The following ACTR6 variants were observed in gnomAD, a reference collection of about 807,000 sequenced individuals.
The protein encoded by ACTR6 is actin-related protein 6.
A neutral mutation model predicts 52.5 loss-of-function variants in ACTR6; 50 were observed. That is an observed-to-expected ratio of 0.95 (90% CI 0.76 to 1.20). The LOEUF is 1.20. ACTR6 is among the 50% of genes most tolerant of loss of function. The pLI, the probability that ACTR6 is intolerant of heterozygous loss-of-function variation, is 0.00. For missense variants in ACTR6, 344 were observed against 472.4 expected (o/e 0.73, Z 2.52); for synonymous variants, 135 against 147.2 (o/e 0.92, Z 0.60).
intron 9 of ACTR6, among the ~76,000 whole-genome samples, chr12:100,219,791 A>G (rs1382628142): frequency 6.6e-6 from 1 of 152,102 alleles, no homozygotes; most frequent in Non-Finnish European, 1.5e-5. Context: ...TCTTTTAAAG[A>G]TCTATGTGGT....
chr12:100,213,250 G>T (rs537551767), intron 8 of ACTR6, among the ~76,000 whole-genome samples: 1 of 152,056 alleles, frequency 6.6e-6, no homozygotes, highest in African/African-American at 2.4e-5. Flanking sequence ...GTGCCACCAC[G>T]CCTGGTTCAT....
intron 1 of ACTR6, chr12:100,203,597 C>T (rs1344600342): frequency 1.3e-5 from 2 of 151,606 alleles, no homozygotes; most frequent in Non-Finnish European, 2.9e-5. Context: ...AGCCACTGCT[C>T]CCGGCTGGAA....
intron 9 of ACTR6, 109 bp from the exon 10 acceptor site, chr12:100,219,893 AGTAACT>A (rs2153901078): frequency 9.8e-7 from 1 of 1,024,822 alleles, no homozygotes; most frequent in East Asian, 2.5e-5. Flanking sequence ...GTTTCCCACC[AGTAACT>A]GTAATCCCTA....
intron 10 of ACTR6, among the ~76,000 whole-genome samples, chr12:100,220,470 T>C (rs1046683450): frequency 1.3e-5 from 2 of 152,086 alleles, no homozygotes; most frequent in Non-Finnish European, 2.9e-5. Context: ...TCTATATGAT[T>C]TATCTGAGAT....
Position 100,223,687 on chromosome 12 carries a change from A to C in ACTR6, c.1062-99A>C, listed in dbSNP as rs78352383. 2,822 of 1,448,480 alleles carry C rather than the reference A, an allele frequency of 1.9e-3. 57 individuals are homozygous for C. The African/African-American group carries it at 0.033, about 17-fold the overall frequency. The allele number at this position is 1,448,480 out of a possible 1,614,324, so 89.7% of individuals were successfully genotyped here. A position where few individuals can be genotyped will look rare whatever the true frequency, so the allele number is the denominator to read the frequency against. ...TTGCCACATTTTAATGGCAAAAAAA[A>C]CACAAATTACTTTTGCACCAACCTA... On this transcript the variant is annotated intron_variant, in intron 10 of 10. Transcript: ENST00000188312.
intron 4 of ACTR6, 95 bp downstream of exon 4, chr12:100,207,881 G>T: frequency 7.1e-7 from 1 of 1,403,216 alleles, no homozygotes. Context: ...GGCATTCTTG[G>T]CTAGCACAGT....
At chr12:100,219,147 G>T (rs2096126079) in intron 9 of ACTR6, among the ~76,000 whole-genome samples, 3 of 139,658 alleles carry the variant, frequency 2.1e-5, no homozygotes, top group Admixed American at 7.4e-5. Flanking sequence ...CAGGCCATGT[G>T]CTTTCCTCTC....
chr12:100,212,570 T>C (rs1592841262), intron 8 of ACTR6, 42 bp downstream of exon 8: 2 of 1,474,958 alleles, frequency 1.4e-6, no homozygotes, highest in Non-Finnish European at 1.9e-6. Context: ...CTGCGGCTCC[T>C]GTCTATAATC....
At chr12:100,223,282 A>G (rs1052848516) in intron 10 of ACTR6, among the ~76,000 whole-genome samples, 1 of 152,124 alleles carries the variant, frequency 6.6e-6, no homozygotes, top group Non-Finnish European at 1.5e-5. Context: ...CAGAGGTTGC[A>G]GTGAGCTGAG....
intron 8 of ACTR6, among the ~76,000 whole-genome samples, 197 bp downstream of exon 8, chr12:100,212,725 G>T (rs1439295690): frequency 1.3e-5 from 2 of 151,964 alleles, no homozygotes; most frequent in African/African-American, 4.8e-5. Context: ...TTTCATTTAG[G>T]CCAGCCACCG....
chr12:100,220,414 G>A (rs952535778), intron 10 of ACTR6, among the ~76,000 whole-genome samples: 1 of 152,118 alleles, frequency 6.6e-6, no homozygotes, highest in Non-Finnish European at 1.5e-5. Flanking sequence ...TAGTAAATCA[G>A]CCTTGGTCCT....
intron 4 of ACTR6, chr12:100,208,665 A>G (rs983106565): frequency 1.8e-5 from 8 of 454,820 alleles, no homozygotes; most frequent in Admixed American, 7.1e-5. Flanking sequence ...TAATGAAGTT[A>G]CTGGCCACAT....
chr12:100,205,176 A>C, intron 2 of ACTR6, 119 bp downstream of exon 2: 1 of 598,256 alleles, frequency 1.7e-6, no homozygotes, highest in Non-Finnish European at 2.8e-6. Flanking sequence ...ATTAAACCCA[A>C]ATTAAAATTT....
At chr12:100,201,459 T>A (rs1047907794) in intron 1 of ACTR6, among the ~76,000 whole-genome samples, 1 of 152,242 alleles carries the variant, frequency 6.6e-6, no homozygotes, top group Non-Finnish European at 1.5e-5. Context: ...TCATAAAATA[T>A]ATGTTTGAAT....
In ACTR6 at chr12:100,223,885, T is replaced by A; in HGVS notation, c.1161T>A (p.His387Gln). The A allele has an allele frequency of 6.2e-7, 1 of 1,610,290 alleles. No homozygotes were observed. The highest frequency in any genetic ancestry group is 8.5e-7 in the Non-Finnish European group (1 of 1,179,050). ...VTREDYEENGHSVCEEKFDI is the reference protein window; with the variant it reads ...VTREDYEENGQSVCEEKFDI ...GAGAAGATTACGAAGAAAATGGACA[T>A]AGCGTCTGTGAAGAGAAATTTGATA... Residue 387 changes from histidine (H) to glutamine (Q), a missense_variant, in exon 11 of 11, where the codon CAT (histidine) becomes CAA (glutamine). Physicochemically the swap from His to Gln is conservative, Grantham distance 24 (BLOSUM62 0). Coordinates refer to ENST00000188312, the MANE Select transcript of ACTR6 (RefSeq NM_022496.5).
At position 100,223,911 on chromosome 12, in the gene ACTR6, T is replaced by C; in HGVS notation, c.1187T>C (p.Ile396Thr). ...AGCGTCTGTGAAGAGAAATTTGATA[T>C]TTAAGCAACATTTTTGAATGAAAGT... The part of the protein sequence containing the change: ...GHSVCEEKFD[I>T] Residue 396 changes from isoleucine to threonine, a missense_variant, in exon 11 of 11, where the codon ATT becomes ACT. Transcript: ENST00000188312. 1 of 1,601,158 alleles carries C rather than the reference T, an allele frequency of 6.2e-7. No individual in the cohort carries two copies. Among genetic ancestry groups the C allele is most frequent in the Non-Finnish European group, 8.5e-7 (1 of 1,176,918 alleles).
chr12:100,200,820 A>G lies in ACTR6; in HGVS notation c.-32A>G, dbSNP rs774104691. On this transcript the variant is annotated 5_prime_UTR_variant, in exon 1 of 11. Coordinates refer to ENST00000188312, the MANE Select transcript of ACTR6 (RefSeq NM_022496.5). ...CGAGCAGAGGGGTCGGAAAGGGAAA[A>G]CAACTACGGCTGCGGTGTGGTTGGT... 2 of 1,612,802 alleles carry G rather than the reference A, an allele frequency of 1.2e-6. No homozygotes were observed. The highest frequency in any genetic ancestry group is 3.3e-4 in the Middle Eastern group (2 of 6,082).
intron 9 of ACTR6, among the ~76,000 whole-genome samples, chr12:100,219,800 G>T (rs1033541427): frequency 7.2e-5 from 11 of 152,158 alleles, no homozygotes; most frequent in African/African-American, 2.6e-4. Flanking sequence ...GATCTATGTG[G>T]TCATTTTTCA....
rs927403421 is a variant in ACTR6, at chr12:100,212,512, A to G, written c.734A>G (p.Lys245Arg). 6.2e-7 allele frequency: 1 copy of G among 1,613,488 alleles called. No individual in the cohort carries two copies. Among genetic ancestry groups the G allele is most frequent in the South Asian group, 1.1e-5 (1 of 91,074 alleles). The change falls in exon 8 of 11, where the codon AAA (lysine) becomes AGA (arginine). Residue 245 changes from lysine (K) to arginine (R), a missense_variant. Coordinates refer to ENST00000188312, the MANE Select transcript of ACTR6 (RefSeq NM_022496.5). Reference protein sequence around the residue: ...DYVLPDFSTIKKGFCKPREEM... With the variant: ...DYVLPDFSTIRKGFCKPREEM... ...GTCTTGCCTGACTTCAGTACAATTA[A>G]AAAGGGCTTTTGTAAGGTAATTTTT...
Sources: gnomAD v4.1 joint callset for allele counts (sites outside exome capture counted in the v4.1 genomes callset) on GRCh38, gnomAD v4.1.1 for gene constraint, MANE v1.5 for transcripts, NCBI Gene and HGNC (gene_info 2026-07-23, HGNC 2026-07-21) for gene names.